The following CCDC191 variants were observed in gnomAD, a reference collection of about 807,000 sequenced individuals.
CCDC191 encodes the protein coiled-coil domain-containing protein 191.
Under a neutral mutation model 114.0 loss-of-function variants are expected in CCDC191, and 99 were observed. The observed-to-expected ratio is 0.87, with a 90% CI of 0.74 to 1.03. The LOEUF is 1.03. CCDC191 is among the 50% of genes least tolerant of loss of function. CCDC191 has a pLI of 0.00. For missense variants in CCDC191, 973 were observed against 1,087.0 expected (o/e 0.90, Z 1.47); for synonymous variants, 351 against 376.0 (o/e 0.93, Z 0.77).
chr3:114,052,002 T>C (rs140986671), intron 2 of CCDC191, among the ~76,000 whole-genome samples: 152 of 152,332 alleles, frequency 1.0e-3, no homozygotes, highest in African/African-American at 3.4e-3. Context: ...AGGAAGTCAT[T>C]TATGACAACA....
At chr3:113,995,870 T>C (rs760461978) in intron 13 of CCDC191, among the ~76,000 whole-genome samples, 2 of 152,378 alleles carry the variant, frequency 1.3e-5, no homozygotes, top group South Asian at 2.1e-4. Flanking sequence ...ATTTCTCTAA[T>C]GATCAGTGAT....
intron 14 of CCDC191, among the ~76,000 whole-genome samples, chr3:113,979,868 G>A (rs537426773): frequency 3.9e-4 from 59 of 152,296 alleles, no homozygotes; most frequent in African/African-American, 1.4e-3. Context: ...TAATCATTTA[G>A]TTGCATGCAC....
intron 13 of CCDC191, among the ~76,000 whole-genome samples, chr3:113,993,087 T>C (rs970253081): frequency 6.6e-6 from 1 of 152,112 alleles, no homozygotes; most frequent in African/African-American, 2.4e-5. Flanking sequence ...CAGAAAAGCA[T>C]GTGACAAAAC....
intron 4 of CCDC191, 43 bp from the exon 5 acceptor site, chr3:114,036,829 A>T (rs888691444): frequency 1.5e-6 from 2 of 1,337,892 alleles, no homozygotes; most frequent in South Asian, 1.6e-5. Context: ...TTTTTAAAAA[A>T]TTAATTTTAG....
chr3:114,042,268 TAA>T (rs986433962), intron 4 of CCDC191, among the ~76,000 whole-genome samples: 1 of 152,120 alleles, frequency 6.6e-6, no homozygotes, highest in African/African-American at 2.4e-5. Context: ...TGAAAAAAAT[TAA>T]AAATAACAAT....
rs187247674 is a variant in CCDC191 at position 114,000,824 on chromosome 3, A to G, written c.2163+771T>C. Among the ~76,000 whole-genome samples the G allele has an allele frequency of 2.6e-3, 386 of 149,036 alleles. 3 individuals are homozygous for G. The highest frequency in any genetic ancestry group is 0.016 in the South Asian group (76 of 4,700). ...GTGTCACTGCGCCCAGATGATTAAA[A>G]TTTTTTTTTTATCGAGGCAGGGTCT... On this transcript the variant is annotated intron_variant, in intron 13 of 16. Transcript: ENST00000295878.
At chr3:114,016,084 A>C (rs1302562962) in intron 8 of CCDC191, among the ~76,000 whole-genome samples, 1 of 152,264 alleles carries the variant, frequency 6.6e-6, no homozygotes, top group Non-Finnish European at 1.5e-5. Context: ...TCGAGGTGGC[A>C]AACACACACG....
intron 4 of CCDC191, among the ~76,000 whole-genome samples, chr3:114,041,253 G>A (rs917016223): frequency 1.3e-5 from 2 of 152,116 alleles, no homozygotes; most frequent in Admixed American, 6.6e-5. Flanking sequence ...AGGCAGCAAC[G>A]AGGATGATAA....
At chr3:114,056,222 T>C (rs1397882435) in intron 1 of CCDC191, among the ~76,000 whole-genome samples, 155 bp downstream of exon 1, 1 of 152,050 alleles carries the variant, frequency 6.6e-6, no homozygotes, top group East Asian at 1.9e-4. Context: ...CCTAGAGCAT[T>C]TCACTCAGGG....
intron 16 of CCDC191, among the ~76,000 whole-genome samples, chr3:113,971,583 T>C (rs1940828000): frequency 6.6e-6 from 1 of 152,216 alleles, no homozygotes; most frequent in Non-Finnish European, 1.5e-5. Flanking sequence ...GGTTTGCCGG[T>C]ATTTGGTTGA....
chr3:114,014,147 TAAAA>T (rs756395587), intron 8 of CCDC191, among the ~76,000 whole-genome samples: 22 of 152,058 alleles, frequency 1.4e-4, no homozygotes, highest in Non-Finnish European at 2.8e-4. Context: ...ATGCAGAACA[TAAAA>T]AAGCAGTGAC....
chr3:114,029,815 C>T lies in CCDC191; in HGVS notation c.972+1811G>A, dbSNP rs1192168253. Among the ~76,000 whole-genome samples, 5 of 151,936 alleles carry T rather than the reference C, an allele frequency of 3.3e-5. No homozygotes were observed. The South Asian group carries it at 6.2e-4, about 19-fold the overall frequency. ...GGAGAAAACATAAAAAAAACCAAAA[C>T]GAGAGACAATTCTACAAAATACCTG... On this transcript the variant is annotated intron_variant, in intron 7 of 16. Coordinates refer to ENST00000295878, the MANE Select transcript of CCDC191 (RefSeq NM_020817.2).
intron 7 of CCDC191, among the ~76,000 whole-genome samples, chr3:114,027,785 G>C (rs2076345859): frequency 6.6e-6 from 1 of 152,144 alleles, no homozygotes; most frequent in African/African-American, 2.4e-5. Context: ...GTGCTGACAA[G>C]AGCTTCCAGT....
At chr3:114,001,457 G>A in intron 13 of CCDC191, 138 bp downstream of exon 13, 3 of 1,252,780 alleles carry the variant, frequency 2.4e-6, no homozygotes, top group Non-Finnish European at 2.1e-6. Flanking sequence ...TTTTCACTAA[G>A]TAAGATAGAG....
At chr3:114,023,306 A>G (rs2076270641) in intron 7 of CCDC191, among the ~76,000 whole-genome samples, 1 of 152,224 alleles carries the variant, frequency 6.6e-6, no homozygotes, top group Admixed American at 6.5e-5. Context: ...ATTCAGTGCT[A>G]TCCCCATCAA....
chr3:114,052,254 G>T (rs1465080941), intron 2 of CCDC191, among the ~76,000 whole-genome samples: 1 of 152,142 alleles, frequency 6.6e-6, no homozygotes, highest in Non-Finnish European at 1.5e-5. Context: ...AATGATAAAA[G>T]ATGATAAAAA....
intron 4 of CCDC191, among the ~76,000 whole-genome samples, chr3:114,042,318 A>G (rs1451512255): frequency 6.6e-6 from 1 of 152,218 alleles, no homozygotes; most frequent in Admixed American, 6.5e-5. Context: ...AAAATACAGT[A>G]TAACAACTAT....
At chr3:113,965,504 AGT>A (rs1940034259) in intron 16 of CCDC191, 145 bp from the exon 17 acceptor site, 2 of 447,756 alleles carry the variant, frequency 4.5e-6, no homozygotes, top group Non-Finnish European at 3.9e-6. Flanking sequence ...GGATTATGAC[AGT>A]GTGAAATGCT....
chr3:113,998,765 T>C (rs2075789598), intron 13 of CCDC191, among the ~76,000 whole-genome samples: 1 of 152,206 alleles, frequency 6.6e-6, no homozygotes, highest in Non-Finnish European at 1.5e-5. Context: ...GAACAGACAC[T>C]CTATCTAGAT....
Sources: allele counts gnomAD v4.1 joint callset (sites outside exome capture counted in the v4.1 genomes callset), GRCh38; gene constraint gnomAD v4.1.1; transcripts MANE v1.5; gene names NCBI Gene and HGNC (gene_info 2026-07-23, HGNC 2026-07-21).